The following LPP variants were observed in gnomAD, a reference collection of about 807,000 sequenced individuals.
LPP encodes lipoma-preferred partner.
A neutral mutation model predicts 60.4 loss-of-function variants in LPP; 38 were observed. The ratio of observed to expected loss-of-function variants is 0.63; its 90% confidence interval spans 0.49 to 0.83. The LOEUF is 0.83. LPP is among the 40% of genes least tolerant of loss of function. The pLI is 0.00. For missense variants in LPP, 902 were observed against 783.6 expected, an observed-to-expected ratio of 1.15 and a Z score of -1.80; for synonymous variants, 328 against 290.8, an observed-to-expected ratio of 1.13 and a Z score of -1.30.
chr3:188,765,741 G>C (rs954974037), intron 9 of LPP, among the ~76,000 whole-genome samples: 1 of 150,964 alleles, frequency 6.6e-6, no homozygotes, highest in Non-Finnish European at 1.5e-5. Context: ...TGGTCTTGCT[G>C]TTGTTGCCCA....
intron 9 of LPP, among the ~76,000 whole-genome samples, chr3:188,823,685 A>G (rs1321376108): frequency 6.6e-6 from 1 of 152,214 alleles, no homozygotes; most frequent in Non-Finnish European, 1.5e-5. Context: ...AGAATAACAG[A>G]AGAAATATGT....
intron 8 of LPP, among the ~76,000 whole-genome samples, chr3:188,741,234 C>T (rs1453021754): frequency 1.3e-5 from 2 of 149,926 alleles, no homozygotes; most frequent in Non-Finnish European, 3.0e-5. Flanking sequence ...TTCAAAGTTT[C>T]CTTTGAATTG....
At chr3:188,522,956 G>C (rs1419521961) in intron 5 of LPP, among the ~76,000 whole-genome samples, 1 of 151,706 alleles carries the variant, frequency 6.6e-6, no homozygotes, top group Non-Finnish European at 1.5e-5. Context: ...CATGTAGGCT[G>C]GAGTGCAGTG....
chr3:188,668,624 T>TTC (rs1856305631), intron 7 of LPP, among the ~76,000 whole-genome samples: 1 of 152,224 alleles, frequency 6.6e-6, no homozygotes, highest in Admixed American at 6.5e-5. Context: ...ATCCTCAGGC[T>TTC]TCTCTGATGC....
intron 5 of LPP, among the ~76,000 whole-genome samples, chr3:188,507,450 G>C (rs1262895649): frequency 6.6e-6 from 1 of 151,902 alleles, no homozygotes; most frequent in Non-Finnish European, 1.5e-5. Context: ...ATTTCGAAAG[G>C]GGGAAAAAAT....
intron 9 of LPP, among the ~76,000 whole-genome samples, chr3:188,826,557 T>C (rs1755565163): frequency 1.3e-5 from 2 of 152,166 alleles, no homozygotes; most frequent in South Asian, 4.1e-4. Context: ...CCCCATGGGT[T>C]CCTCTAACTC....
intron 2 of LPP, among the ~76,000 whole-genome samples, chr3:188,288,609 T>A (rs1197675236): frequency 6.6e-6 from 1 of 151,416 alleles, no homozygotes; most frequent in Non-Finnish European, 1.5e-5. Context: ...CACAGATCTG[T>A]GTATCTACAC....
At chr3:188,412,753 C>G (rs1476315443) in intron 4 of LPP, among the ~76,000 whole-genome samples, 1 of 152,096 alleles carries the variant, frequency 6.6e-6, no homozygotes, top group African/African-American at 2.4e-5. Context: ...TATTGGTTCA[C>G]ATAGACTTGT....
chr3:188,426,635 C>G (rs937540937), intron 4 of LPP, among the ~76,000 whole-genome samples: 2 of 152,028 alleles, frequency 1.3e-5, no homozygotes, highest in Non-Finnish European at 2.9e-5. Context: ...TCTGGGTGCT[C>G]CTGTATTGGG....
At chr3:188,243,672 A>G (rs73059641) in intron 2 of LPP, among the ~76,000 whole-genome samples, 2,579 of 152,148 alleles carry the variant, frequency 0.017, 66 homozygotes, top group African/African-American at 0.056. Flanking sequence ...AGACCACCAC[A>G]CTGGCAGCAC....
chr3:188,295,401 A>C lies in LPP; in HGVS notation c.-66-46262A>C, dbSNP rs1747533905. 2.0e-5 allele frequency among the ~76,000 whole-genome samples: 3 copies of C among 152,326 alleles called. No individual in the cohort carries two copies. In the South Asian group the frequency reaches 6.2e-4, roughly 32 times the overall value. On this transcript the variant is annotated intron_variant, in intron 2 of 11. Coordinates refer to ENST00000617246, the MANE Select transcript of LPP (RefSeq NM_001375462.1). Reference sequence around the variant, plus strand: ...GGGCTCGCTATTCATCTAGTGACAAAACCACAGTCATCCAGACCTCTGTTT... The same window carrying C: ...GGGCTCGCTATTCATCTAGTGACAACACCACAGTCATCCAGACCTCTGTTT...
At chr3:188,158,736 G>A (rs1202426630) in intron 1 of LPP, among the ~76,000 whole-genome samples, 1 of 152,150 alleles carries the variant, frequency 6.6e-6, no homozygotes, top group Non-Finnish European at 1.5e-5. Context: ...GGTGAAATAA[G>A]GTTACACAAC....
intron 2 of LPP, among the ~76,000 whole-genome samples, chr3:188,318,782 G>A (rs112825369): frequency 0.02 from 2,278 of 114,996 alleles, 41 homozygotes; most frequent in African/African-American, 0.048. Context: ...TTTTTGAGAC[G>A]GAGTCTCGCT....
intron 7 of LPP, among the ~76,000 whole-genome samples, chr3:188,637,952 C>A (rs1378896643): frequency 6.7e-6 from 1 of 149,626 alleles, no homozygotes; most frequent in Non-Finnish European, 1.5e-5. Context: ...GGAACTGGTA[C>A]CATTCCTTCT....
chr3:188,470,319 C>CACACACACACACACACACACATACACAT (rs138685539), intron 4 of LPP, among the ~76,000 whole-genome samples: 1 of 148,762 alleles, frequency 6.7e-6, no homozygotes, highest in Non-Finnish European at 1.5e-5. Flanking sequence ...CACACACACA[C>CACACACACACACACACACACATACACAT]GCACACATAA....
chr3:188,736,265 T>C (rs1156894344), intron 8 of LPP, among the ~76,000 whole-genome samples: 1 of 152,088 alleles, frequency 6.6e-6, no homozygotes, highest in Non-Finnish European at 1.5e-5. Context: ...GTAAATATCA[T>C]ATAAAATTAA....
intron 2 of LPP, among the ~76,000 whole-genome samples, chr3:188,260,649 T>G (rs987311161): frequency 6.6e-6 from 1 of 152,136 alleles, no homozygotes; most frequent in African/African-American, 2.4e-5. Context: ...AATGCTTGGT[T>G]GTTGTTTTTT....
chr3:188,429,086 A>T (rs1044984517), intron 4 of LPP, among the ~76,000 whole-genome samples: 8 of 152,206 alleles, frequency 5.3e-5, no homozygotes, highest in Non-Finnish European at 1.2e-4. Context: ...TACCTTGTTA[A>T]CTAGACTGAG....
Position 188,866,279 on chromosome 3 carries a change from C to T in LPP, c.1490C>T (p.Pro497Leu). Reference protein sequence around the residue: ...ILRATGKAYHPHCFTCVMCHR... With the variant: ...ILRATGKAYHLHCFTCVMCHR... ...CGAGCCACCGGGAAGGCCTATCATC[C>T]TCACTGTTTCACCTGCGTGATGTGC... Residue 497 changes from proline to leucine, a missense_variant, in exon 10 of 12, where the codon CCT becomes CTT. Pro to Leu is a moderately conservative substitution (Grantham distance 98). Transcript: ENST00000617246. 3.8e-6 allele frequency: 6 copies of T among 1,593,142 alleles called. No individual in the cohort carries two copies. The highest frequency in any genetic ancestry group is 5.1e-6 in the Non-Finnish European group (6 of 1,169,176).
Sources: allele counts gnomAD v4.1 joint callset (sites outside exome capture counted in the v4.1 genomes callset), GRCh38; gene constraint gnomAD v4.1.1; transcripts MANE v1.5; gene names NCBI Gene and HGNC (gene_info 2026-07-23, HGNC 2026-07-21).